Variants in SKAP2 observed in about 807,000 individuals in gnomAD.
The protein encoded by SKAP2 is src kinase associated phosphoprotein 2.
SKAP2 carries 28 observed loss-of-function variants against 54.9 expected under a neutral mutation model. The ratio of observed to expected loss-of-function variants is 0.51; its 90% CI spans 0.38 to 0.70. The LOEUF (loss-of-function observed/expected upper bound fraction) is 0.70. SKAP2 is among the 30% of genes least tolerant of loss of function. The pLI is 0.00. For missense variants in SKAP2, 356 were observed against 424.1 expected, an observed-to-expected ratio of 0.84 and a Z score of 1.41; for synonymous variants, 137 against 134.3, an observed-to-expected ratio of 1.02 and a Z score of -0.14.
intron 4 of SKAP2, among the ~76,000 whole-genome samples, chr7:26,790,472 T>C (rs942379126): frequency 1.6e-4 from 25 of 152,322 alleles, no homozygotes; most frequent in African/African-American, 5.5e-4. Context: ...AACTGTGAGG[T>C]ACAGTTATTT....
chr7:26,857,664 C>T, intron 1 of SKAP2: 2 of 985,462 alleles, frequency 2.0e-6, no homozygotes, highest in Non-Finnish European at 2.4e-6. Flanking sequence ...CAGGGTTCCT[C>T]TCAGGCGGAG....
chr7:26,688,546 A>G (rs753892088), intron 10 of SKAP2, among the ~76,000 whole-genome samples: 1 of 152,200 alleles, frequency 6.6e-6, no homozygotes. Context: ...TTCTAGTGTT[A>G]CATCTTTGAC....
intron 4 of SKAP2, among the ~76,000 whole-genome samples, chr7:26,831,671 T>C (rs1784598525): frequency 1.3e-5 from 2 of 152,182 alleles, no homozygotes; most frequent in South Asian, 2.1e-4. Flanking sequence ...ACTATTATTA[T>C]CCTTAATTTG....
At chr7:26,747,116 C>A (rs1368613496) in intron 4 of SKAP2, among the ~76,000 whole-genome samples, 2 of 151,928 alleles carry the variant, frequency 1.3e-5, no homozygotes, top group African/African-American at 4.9e-5. Flanking sequence ...ACTGCCGTAA[C>A]TCTAAAAGAG....
chr7:26,802,822 A>G (rs912746164), intron 4 of SKAP2, among the ~76,000 whole-genome samples: 1 of 152,066 alleles, frequency 6.6e-6, no homozygotes, highest in African/African-American at 2.4e-5. Flanking sequence ...CAGAGGTTGC[A>G]GTGAGTCAAG....
intron 2 of SKAP2, 34 bp from the exon 3 acceptor site, chr7:26,854,196 T>G (rs1174516002): frequency 6.9e-7 from 1 of 1,457,664 alleles, no homozygotes; most frequent in Non-Finnish European, 9.4e-7. Context: ...TAAATGAGGT[T>G]GAAAAATCAA....
chr7:26,749,482 T>G (rs1039972748), intron 4 of SKAP2, among the ~76,000 whole-genome samples: 4 of 151,962 alleles, frequency 2.6e-5, no homozygotes, highest in African/African-American at 9.7e-5. Context: ...GGGGTAGTGA[T>G]TCACACCTGT....
intron 4 of SKAP2, among the ~76,000 whole-genome samples, chr7:26,804,339 T>C (rs1004953773): frequency 6.6e-6 from 1 of 152,216 alleles, no homozygotes; most frequent in Admixed American, 6.5e-5. Flanking sequence ...TCTAACTCTA[T>C]ACTTCTACAA....
At chr7:26,726,746 G>A in intron 7 of SKAP2, 136 bp downstream of exon 7, 1 of 690,546 alleles carries the variant, frequency 1.4e-6, no homozygotes, top group East Asian at 3.2e-5. Context: ...AATGTTCAAT[G>A]CATAATATAT....
chr7:26,862,255 C>T (rs114482893), intron 1 of SKAP2, among the ~76,000 whole-genome samples: 1,659 of 152,104 alleles, frequency 0.011, 31 homozygotes, highest in African/African-American at 0.038. Flanking sequence ...GAAGCGTTCT[C>T]TACCTCAAAA....
the SKAP2 span, among the ~76,000 whole-genome samples, chr7:26,659,577 A>AG: frequency 2.6e-5 from 4 of 152,292 alleles, no homozygotes; most frequent in African/African-American, 9.6e-5. Flanking sequence ...CACAGTCTGG[A>AG]CATTGTGGCT....
chr7:26,772,962 C>G (rs1783220136), intron 4 of SKAP2, among the ~76,000 whole-genome samples: 1 of 152,182 alleles, frequency 6.6e-6, no homozygotes, highest in Admixed American at 6.5e-5. Flanking sequence ...GTTATACCTG[C>G]CTTTATGTAG....
chr7:26,737,942 C>T lies in SKAP2; in HGVS notation c.469+853G>A, dbSNP rs533125586. Among the ~76,000 whole-genome samples, 14 of 152,228 alleles carry T rather than the reference C, an allele frequency of 9.2e-5. No individual in the cohort carries two copies. The South Asian group carries it at 2.9e-3, about 32-fold the overall frequency. On this transcript the variant is annotated intron_variant, in intron 6 of 12. Transcript: ENST00000345317. Reference sequence around the variant, plus strand: ...AGAACATGGACTCTAACCATATTCTCTAGGTTAAAATCCCAAATTTGAGCT... The same window carrying T: ...AGAACATGGACTCTAACCATATTCTTTAGGTTAAAATCCCAAATTTGAGCT...
At chr7:26,807,567 A>G (rs1784056188) in intron 4 of SKAP2, among the ~76,000 whole-genome samples, 2 of 152,168 alleles carry the variant, frequency 1.3e-5, no homozygotes, top group Non-Finnish European at 2.9e-5. Context: ...TTTATAAATT[A>G]CCCTGTCTCA....
At chr7:26,685,534 C>T (rs73075577) in intron 10 of SKAP2, among the ~76,000 whole-genome samples, 5 of 151,992 alleles carry the variant, frequency 3.3e-5, no homozygotes, top group African/African-American at 1.2e-4. Context: ...TTTGTCAGCC[C>T]CGGTTTAGGA....
intron 4 of SKAP2, among the ~76,000 whole-genome samples, chr7:26,762,614 G>A (rs1782957995): frequency 6.6e-6 from 1 of 151,764 alleles, no homozygotes; most frequent in Non-Finnish European, 1.5e-5. Context: ...GAGGCGGGCA[G>A]ATCACGAAGT....
chr7:26,793,359 A>G (rs1454579643), intron 4 of SKAP2, among the ~76,000 whole-genome samples: 1 of 152,226 alleles, frequency 6.6e-6, no homozygotes, highest in Non-Finnish European at 1.5e-5. Context: ...TAACTGAAGT[A>G]TCCTTACAGA....
chr7:26,822,971 A>G (rs1481136490), intron 4 of SKAP2, among the ~76,000 whole-genome samples: 3 of 152,200 alleles, frequency 2.0e-5, no homozygotes, highest in African/African-American at 7.2e-5. Context: ...AAAAGGTACA[A>G]AAGGTAGAAA....
intron 9 of SKAP2, among the ~76,000 whole-genome samples, chr7:26,707,832 T>G (rs1239367711): frequency 6.6e-6 from 1 of 152,182 alleles, no homozygotes; most frequent in Non-Finnish European, 1.5e-5. Context: ...GCCTGTCCAA[T>G]GTGAGATCCA....
Sources: allele counts gnomAD v4.1 joint callset (sites outside exome capture counted in the v4.1 genomes callset), GRCh38; gene constraint gnomAD v4.1.1; transcripts MANE v1.5; gene names NCBI Gene and HGNC (gene_info 2026-07-23, HGNC 2026-07-21).